ANO10: variants seen among roughly 807,000 people sequenced by gnomAD.
The protein encoded by ANO10 is anoctamin-10.
ANO10 carries 77 observed loss-of-function variants against 74.7 expected under a neutral mutation model. The ratio of observed to expected loss-of-function variants is 1.03; its 90% CI spans 0.86 to 1.25. ANO10 has a LOEUF of 1.25. Ranked by LOEUF, ANO10 falls within the 50% of genes most tolerant of loss-of-function variation. ANO10 has a pLI of 0.00. For missense variants in ANO10, 721 were observed against 778.1 expected (o/e 0.93, Z 0.87); for synonymous variants, 279 against 284.9 (o/e 0.98, Z 0.21).
chr3:43,593,988 C>A (rs2081949215), intron 4 of ANO10, among the ~76,000 whole-genome samples: 1 of 152,094 alleles, frequency 6.6e-6, no homozygotes, highest in Non-Finnish European at 1.5e-5. Context: ...AGACTTTAAA[C>A]CAACAAAGAT....
intron 11 of ANO10, among the ~76,000 whole-genome samples, chr3:43,528,828 G>A (rs1157398023): frequency 1.3e-5 from 2 of 151,896 alleles, no homozygotes; most frequent in Non-Finnish European, 2.9e-5. Context: ...GCATGGTGGT[G>A]TGTGCCTGTT....
At chr3:43,668,176 G>A (rs2084014606) in intron 1 of ANO10, among the ~76,000 whole-genome samples, 1 of 152,016 alleles carries the variant, frequency 6.6e-6, no homozygotes, top group Non-Finnish European at 1.5e-5. Flanking sequence ...GCATTTCCCT[G>A]ATGATGAGTG....
intron 11 of ANO10, among the ~76,000 whole-genome samples, chr3:43,442,340 A>G (rs2093172747): frequency 6.6e-6 from 1 of 152,154 alleles, no homozygotes; most frequent in Non-Finnish European, 1.5e-5. Flanking sequence ...GAATTGTAGA[A>G]TACAAAATCA....
intron 10 of ANO10, among the ~76,000 whole-genome samples, chr3:43,553,318 A>T (rs911119374): frequency 6.6e-6 from 1 of 152,002 alleles, no homozygotes; most frequent in African/African-American, 2.4e-5. Flanking sequence ...TGGGGTTCAC[A>T]ATGCTTCTTG....
chr3:43,474,551 G>T (rs974984666), intron 11 of ANO10, among the ~76,000 whole-genome samples: 1 of 151,938 alleles, frequency 6.6e-6, no homozygotes, highest in African/African-American at 2.4e-5. Flanking sequence ...TAATAAATTT[G>T]TATTTTAAAA....
intron 12 of ANO10, among the ~76,000 whole-genome samples, chr3:43,430,958 C>G (rs2092970809): frequency 6.6e-6 from 1 of 151,950 alleles, no homozygotes; most frequent in African/African-American, 2.4e-5. Flanking sequence ...TATTTTCAAA[C>G]TGATTATTTC....
intron 1 of ANO10, among the ~76,000 whole-genome samples, chr3:43,687,012 T>G (rs1156346693): frequency 6.6e-6 from 1 of 152,090 alleles, no homozygotes; most frequent in East Asian, 1.9e-4. Flanking sequence ...GATTTTTTTT[T>G]TTTTTTTGAG....
intron 11 of ANO10, among the ~76,000 whole-genome samples, chr3:43,499,618 TGTAAGACACC>T (rs1180966590): frequency 6.6e-6 from 1 of 151,552 alleles, no homozygotes; most frequent in Non-Finnish European, 1.5e-5. Flanking sequence ...TACCAAAAAC[TGTAAGACACC>T]GTAAGACACA....
At chr3:43,562,122 G>A (rs1575429743) in intron 8 of ANO10, among the ~76,000 whole-genome samples, 1 of 152,110 alleles carries the variant, frequency 6.6e-6, no homozygotes, top group Non-Finnish European at 1.5e-5. Context: ...TGTAATCCCA[G>A]TACTTTGAGA....
At chr3:43,387,638 T>C (rs1363020743) in intron 12 of ANO10, among the ~76,000 whole-genome samples, 1 of 152,120 alleles carries the variant, frequency 6.6e-6, no homozygotes, top group Non-Finnish European at 1.5e-5. Flanking sequence ...GAGGCATCAC[T>C]GAACACCATA....
At chr3:43,613,307 T>C (rs1180910355) in intron 1 of ANO10, among the ~76,000 whole-genome samples, 1 of 152,090 alleles carries the variant, frequency 6.6e-6, no homozygotes, top group African/African-American at 2.4e-5. Flanking sequence ...CACCTCCAAA[T>C]AGCTAATAAT....
intron 1 of ANO10, among the ~76,000 whole-genome samples, chr3:43,670,279 T>G (rs530965860): frequency 5.2e-4 from 79 of 151,946 alleles, no homozygotes; most frequent in African/African-American, 1.8e-3. Context: ...GGAGGATTGC[T>G]TGCGCCTGGG....
rs535131592 is a variant in ANO10 at position 43,393,618 on chromosome 3, CCT to C, written c.1915-26646_1915-26645del. 4.6e-5 allele frequency among the ~76,000 whole-genome samples: 7 copies of C among 152,216 alleles called. No individual in the cohort carries two copies. The South Asian group carries it at 1.5e-3, about 32-fold the overall frequency. Reference sequence around the variant, plus strand: ...TCCCTGGCCAACTCTCCATAGCCCTCCTCTCTTTCCCTCCAGCCACACTGGTC... The same window carrying C: ...TCCCTGGCCAACTCTCCATAGCCCTCCTCTTTCCCTCCAGCCACACTGGTC... On this transcript the variant is annotated intron_variant, in intron 12 of 12. Coordinates refer to ENST00000292246, the MANE Select transcript of ANO10 (RefSeq NM_018075.5).
chr3:43,375,416 C>A (rs537684635), intron 12 of ANO10, among the ~76,000 whole-genome samples: 1 of 152,172 alleles, frequency 6.6e-6, no homozygotes, highest in South Asian at 2.1e-4. Context: ...CCATTGCACT[C>A]CAGCTTGGGT....
chr3:43,549,202 A>G (rs2079336524), intron 11 of ANO10, among the ~76,000 whole-genome samples: 1 of 152,042 alleles, frequency 6.6e-6, no homozygotes, highest in Non-Finnish European at 1.5e-5. Flanking sequence ...TCTAGGGCTC[A>G]GTCAATCCTC....
intron 11 of ANO10, among the ~76,000 whole-genome samples, chr3:43,505,410 A>C (rs1291224233): frequency 1.3e-5 from 2 of 152,196 alleles, no homozygotes. Context: ...TTCCCCCAAC[A>C]CTATTTCACT....
At chr3:43,446,452 A>T (rs907803486) in intron 11 of ANO10, among the ~76,000 whole-genome samples, 1 of 152,236 alleles carries the variant, frequency 6.6e-6, no homozygotes, top group Non-Finnish European at 1.5e-5. Flanking sequence ...TTGTAACAAA[A>T]AAGAGTTACA....
At chr3:43,576,233 G>A (rs536455661) in intron 6 of ANO10, among the ~76,000 whole-genome samples, 2 of 151,756 alleles carry the variant, frequency 1.3e-5, no homozygotes, top group South Asian at 4.2e-4. Flanking sequence ...TTTCTTCTGT[G>A]GCTCTAGCCA....
At chr3:43,423,718 A>G (rs1016117321) in intron 12 of ANO10, among the ~76,000 whole-genome samples, 1 of 152,232 alleles carries the variant, frequency 6.6e-6, no homozygotes, top group Non-Finnish European at 1.5e-5. Flanking sequence ...TTATCATTTT[A>G]TCAATTGGAG....
Sources: gnomAD v4.1 joint callset for allele counts (sites outside exome capture counted in the v4.1 genomes callset) on GRCh38, gnomAD v4.1.1 for gene constraint, MANE v1.5 for transcripts, NCBI Gene and HGNC (gene_info 2026-07-23, HGNC 2026-07-21) for gene names.